Variants in NVL observed in about 807,000 individuals in gnomAD.
NVL encodes the protein nuclear valosin-containing protein-like.
A neutral mutation model predicts 110.2 loss-of-function variants in NVL; 84 were observed. The ratio of observed to expected loss-of-function variants is 0.76; its 90% CI spans 0.64 to 0.91. The LOEUF is 0.91. Ranked by LOEUF, NVL falls within the 40% of genes least tolerant of loss-of-function variation. The probability of loss-of-function intolerance (pLI) is 0.00; values close to 1 mark genes in which losing one functional copy is unlikely to be tolerated. For missense variants in NVL, 882 were observed against 1,035.9 expected, an observed-to-expected ratio of 0.85 and a Z score of 2.04; for synonymous variants, 354 against 361.1, an observed-to-expected ratio of 0.98 and a Z score of 0.22.
At chr1:224,300,879 C>T (rs1348401101) in intron 9 of NVL, among the ~76,000 whole-genome samples, 1 of 151,930 alleles carries the variant, frequency 6.6e-6, no homozygotes, top group Non-Finnish European at 1.5e-5. Context: ...CTGAGGTGGG[C>T]GGATCACCTG....
intron 22 of NVL, 61 bp from the exon 23 acceptor site, chr1:224,227,731 G>T: frequency 6.5e-7 from 1 of 1,532,746 alleles, no homozygotes; most frequent in Non-Finnish European, 8.9e-7. Flanking sequence ...GCTGAATGGT[G>T]CCCCCCAAAA....
chr1:224,301,140 A>ATG (rs1370943223), intron 9 of NVL, among the ~76,000 whole-genome samples: 2 of 152,022 alleles, frequency 1.3e-5, no homozygotes, highest in African/African-American at 4.8e-5. Context: ...TCATGCAAAC[A>ATG]CATTTAAGTG....
rs1203255535 is a variant in NVL, at chr1:224,229,822, TTTC to T, written c.2526+1401_2526+1403del. Among the ~76,000 whole-genome samples, 8 of 152,214 alleles carry T rather than the reference TTTC, an allele frequency of 5.3e-5. No individual in the cohort carries two copies. In the South Asian group the frequency reaches 1.7e-3, roughly 32 times the overall value. On this transcript the variant is annotated intron_variant, in intron 22 of 22. Coordinates refer to ENST00000281701, the MANE Select transcript of NVL (RefSeq NM_002533.4). The stretch of plus-strand genomic sequence containing the variant: ...CCAAAGAAATACTTGAAGTGTGTTT[TTTC>T]TTCTGTGTTTATTTGTTTGTTTTTG...
At chr1:224,281,654 C>T (rs1352294553) in intron 15 of NVL, among the ~76,000 whole-genome samples, 3 of 150,796 alleles carry the variant, frequency 2.0e-5, no homozygotes, top group East Asian at 4.0e-4. Flanking sequence ...TTACCTCTTT[C>T]TTATTAAAAG....
At chr1:224,252,526 AATT>A (rs918123198) in intron 18 of NVL, among the ~76,000 whole-genome samples, 2 of 152,138 alleles carry the variant, frequency 1.3e-5, no homozygotes, top group South Asian at 2.1e-4. Flanking sequence ...CAAAGAGGTA[AATT>A]ATTATTATTC....
intron 17 of NVL, among the ~76,000 whole-genome samples, chr1:224,273,133 C>T (rs1665359056): frequency 6.6e-6 from 1 of 151,742 alleles, no homozygotes; most frequent in Non-Finnish European, 1.5e-5. Context: ...TGGCAGTAGG[C>T]TGGGCGTGGT....
chr1:224,283,404 G>A (rs948501381), intron 15 of NVL, among the ~76,000 whole-genome samples: 1 of 152,056 alleles, frequency 6.6e-6, no homozygotes, highest in African/African-American at 2.4e-5. Flanking sequence ...GGAGAATGGC[G>A]TGAACCCAGG....
chr1:224,306,845 A>C (rs1385129588), intron 6 of NVL, among the ~76,000 whole-genome samples: 1 of 152,182 alleles, frequency 6.6e-6, no homozygotes, highest in East Asian at 1.9e-4. Flanking sequence ...AAACCAAAAA[A>C]AGTATTTCAG....
intron 1 of NVL, among the ~76,000 whole-genome samples, chr1:224,328,040 T>C (rs906667541): frequency 1.3e-5 from 2 of 152,222 alleles, no homozygotes; most frequent in Admixed American, 6.6e-5. Context: ...TGAAAGGTTT[T>C]GAGCAGGGCT....
intron 2 of NVL, among the ~76,000 whole-genome samples, chr1:224,318,195 A>G (rs2102770048): frequency 6.6e-6 from 1 of 152,356 alleles, no homozygotes; most frequent in African/African-American, 2.4e-5. Context: ...GAAAGAAATA[A>G]TGTAATCAAC....
rs768706831 is a variant in NVL, at chr1:224,305,140, C to A, written c.642G>T (p.Glu214Asp). Residue 214 changes from glutamate (E) to aspartate (D), a missense_variant, in exon 7 of 23, where the codon GAG becomes GAT. This residue lies in a region of NVL where 274 missense variants were observed against 268.4 expected (regional missense o/e 1.02). Coordinates refer to ENST00000281701, the MANE Select transcript of NVL (RefSeq NM_002533.4). ...GCTTGCCTTTCCGTTTCATATCACTCTCCAAAAGAGAAGAATCTTTTGAAT... is the reference window on the plus strand; with the variant it reads ...GCTTGCCTTTCCGTTTCATATCACTATCCAAAAGAGAAGAATCTTTTGAAT... ...IQDSKDSSLL[E>D]SDMKRKGKLK... 4 of 1,610,648 alleles carry A rather than the reference C, an allele frequency of 2.5e-6. No individual in the cohort carries two copies. In the South Asian group the frequency reaches 4.4e-5, roughly 18 times the overall value.
rs140321757 is a variant in NVL at position 224,286,116 on chromosome 1, G to A, written c.1809C>T (p.Asn603=). ...LTMAILAPVR[N]PDQFKALGLV... ...ATCCAAGAGCTTTGAACTGGTCTGG[G>A]TTGCGTACTGGTGCCTGGAAATAAT... Residue 603 remains asparagine, a synonymous_variant, in exon 15 of 23, where the codon AAC becomes AAT. Coordinates refer to ENST00000281701, the MANE Select transcript of NVL (RefSeq NM_002533.4). The A allele has an allele frequency of 3.7e-6, 6 of 1,613,634 alleles. No homozygotes were observed. Among genetic ancestry groups the A allele is most frequent in the Non-Finnish European group, 5.1e-6 (6 of 1,179,756 alleles).
At chr1:224,240,415 G>T (rs1423782716) in intron 19 of NVL, among the ~76,000 whole-genome samples, 1 of 152,020 alleles carries the variant, frequency 6.6e-6, no homozygotes, top group Non-Finnish European at 1.5e-5. Flanking sequence ...GTTTCACCAT[G>T]TTGGTCAGGC....
rs138739288 is a variant in NVL, at chr1:224,305,081, T to A, written c.701A>T (p.Asp234Val). 1.4e-3 allele frequency: 2,267 copies of A among 1,613,900 alleles called. 8 individuals are homozygous for A. The highest frequency in any genetic ancestry group is 0.01 in the Middle Eastern group (61 of 6,062). Residue 234 changes from aspartate (D) to valine (V), a missense_variant, in exon 7 of 23, where the codon GAT becomes GTT. Around this residue, in one of 4 missense-constraint regions of NVL, gnomAD observed 416 missense variants for 499.3 expected, o/e 0.83. Coordinates refer to ENST00000281701, the MANE Select transcript of NVL (RefSeq NM_002533.4). ...KNKGSKRKKE[D>V]LQEVDGEIEA... The stretch of plus-strand genomic sequence containing the variant: ...AATTTCTCCATCTACTTCCTGAAGA[T>A]CTTCTTTCTTCCTTTTGCTTCCTTT...
intron 12 of NVL, among the ~76,000 whole-genome samples, chr1:224,292,109 G>A (rs767649670): frequency 5.3e-5 from 8 of 152,084 alleles, no homozygotes; most frequent in Admixed American, 1.3e-4. Flanking sequence ...CAATTTATAC[G>A]GGTTTCCTTT....
At chr1:224,288,900 G>A (rs749705393) in intron 13 of NVL, among the ~76,000 whole-genome samples, 39 of 152,146 alleles carry the variant, frequency 2.6e-4, no homozygotes, top group Non-Finnish European at 4.4e-4. Context: ...ACTGATAACT[G>A]TCCCCTATTA....
At position 224,235,136 on chromosome 1, in the gene NVL, T is replaced by C. The variant is rs905060718; in HGVS notation, c.2366+1370A>G. Among the ~76,000 whole-genome samples the C allele has an allele frequency of 2.6e-5, 4 of 152,184 alleles. 1 individual carries two copies. In the East Asian group the frequency reaches 7.7e-4, roughly 29 times the overall value. On this transcript the variant is annotated intron_variant, in intron 20 of 22. Coordinates refer to ENST00000281701, the MANE Select transcript of NVL (RefSeq NM_002533.4). The stretch of plus-strand genomic sequence containing the variant: ...GTAAACTACTCAAGTAGTAGTCTCC[T>C]AAGCATAAGGCCATTTCTTTATTTT...
intron 4 of NVL, chr1:224,313,094 G>T: frequency 2.6e-6 from 1 of 389,342 alleles, no homozygotes; most frequent in South Asian, 1.8e-5. Flanking sequence ...GGGACGTCAA[G>T]ACTGCGGTAA....
rs566748707 is a variant in NVL at position 224,235,207 on chromosome 1, G to A, written c.2366+1299C>T. ...TTTTGAGATGGAGTGTCGCTCTGTT[G>A]CCCAGCCTGGAGTGCAGTGACACGA... On this transcript the variant is annotated intron_variant, in intron 20 of 22. Coordinates refer to ENST00000281701, the MANE Select transcript of NVL (RefSeq NM_002533.4). Among the ~76,000 whole-genome samples, 5 of 152,042 alleles carry A rather than the reference G, an allele frequency of 3.3e-5. No homozygotes were observed. The South Asian group carries it at 1.0e-3, about 32-fold the overall frequency.
Sources: gnomAD v4.1 joint callset for allele counts (sites outside exome capture counted in the v4.1 genomes callset) on GRCh38, gnomAD v4.1.1 for gene constraint, gnomAD v4.1.1 regional missense constraint, MANE v1.5 for transcripts, NCBI Gene and HGNC (gene_info 2026-07-23, HGNC 2026-07-21) for gene names.